ZFAT: variants seen among roughly 807,000 people sequenced by gnomAD.
The protein encoded by ZFAT is zinc finger and AT-hook domain containing.
Under a neutral mutation model 117.7 loss-of-function variants are expected in ZFAT, and 64 were observed. The observed-to-expected ratio is 0.54, with a 90% CI of 0.44 to 0.67. The LOEUF is 0.67. Among genes scored for constraint, ZFAT ranks in the 30% least tolerant of loss-of-function variants. ZFAT has a pLI of 0.00. For missense variants in ZFAT, 1,433 were observed against 1,584.5 expected, an observed-to-expected ratio of 0.90 and a Z score of 1.62; for synonymous variants, 679 against 615.0, an observed-to-expected ratio of 1.10 and a Z score of -1.54.
intron 2 of ZFAT, among the ~76,000 whole-genome samples, chr8:134,645,484 T>TAC (rs144089495): frequency 0.021 from 3,202 of 152,108 alleles, 111 homozygotes; most frequent in African/African-American, 0.071. Context: ...TAGTTTAGTA[T>TAC]ACACACACAC....
chr8:134,680,665 TG>T (rs1833031282), intron 1 of ZFAT, among the ~76,000 whole-genome samples: 1 of 152,146 alleles, frequency 6.6e-6, no homozygotes, highest in South Asian at 2.1e-4. Context: ...ACCAATTTCT[TG>T]GTTTAATATT....
intron 3 of ZFAT, among the ~76,000 whole-genome samples, chr8:134,617,620 C>T (rs933470643): frequency 5.9e-5 from 9 of 152,230 alleles, no homozygotes; most frequent in Middle Eastern, 3.4e-3. Flanking sequence ...GCAGTTATCA[C>T]GCGACCATCT....
At chr8:134,533,026 C>A (rs539980693) in intron 11 of ZFAT, 54 bp from the exon 12 acceptor site, 9 of 1,554,178 alleles carry the variant, frequency 5.8e-6, no homozygotes, top group Non-Finnish European at 7.8e-6. Flanking sequence ...TGTCTGCCTT[C>A]GCTGCTGCTC....
chr8:134,707,716 C>T (rs575407627), intron 1 of ZFAT, among the ~76,000 whole-genome samples: 1 of 152,348 alleles, frequency 6.6e-6, no homozygotes, highest in African/African-American at 2.4e-5. Context: ...AGACAACCCG[C>T]AGCTTCCACT....
At chr8:134,643,659 A>G (rs955293296) in intron 2 of ZFAT, among the ~76,000 whole-genome samples, 9 of 152,314 alleles carry the variant, frequency 5.9e-5, no homozygotes, top group Non-Finnish European at 1.0e-4. Context: ...CGGTGATTGA[A>G]GACTTACCAG....
chr8:134,540,603 C>A (rs1822181529), intron 11 of ZFAT, among the ~76,000 whole-genome samples: 1 of 152,196 alleles, frequency 6.6e-6, no homozygotes, highest in African/African-American at 2.4e-5. Flanking sequence ...CCACCTACAC[C>A]ACCATGACCC....
intron 1 of ZFAT, among the ~76,000 whole-genome samples, chr8:134,663,998 G>A (rs1380117530): frequency 1.3e-5 from 2 of 152,168 alleles, no homozygotes; most frequent in Non-Finnish European, 2.9e-5. Flanking sequence ...AGAGGAAAGG[G>A]GAAAGCCTTG....
At chr8:134,739,714 G>C in the ZFAT span, among the ~76,000 whole-genome samples, 1 of 152,326 alleles carries the variant, frequency 6.6e-6, no homozygotes, top group South Asian at 2.1e-4. Flanking sequence ...TAATTACAAA[G>C]AAATGTGATG....
At chr8:134,623,304 G>A (rs1479647772) in intron 3 of ZFAT, among the ~76,000 whole-genome samples, 1 of 152,100 alleles carries the variant, frequency 6.6e-6, no homozygotes, top group Admixed American at 6.5e-5. Flanking sequence ...CTCCATCCCT[G>A]GACACTCCCC....
chr8:134,612,210 A>G (rs1828387588), intron 3 of ZFAT, among the ~76,000 whole-genome samples: 1 of 152,250 alleles, frequency 6.6e-6, no homozygotes, highest in African/African-American at 2.4e-5. Flanking sequence ...TTTCTCAGCC[A>G]TGAGTGTGGA....
chr8:134,652,253 C>T (rs1003856321), intron 2 of ZFAT, among the ~76,000 whole-genome samples: 2 of 152,130 alleles, frequency 1.3e-5, no homozygotes, highest in Non-Finnish European at 2.9e-5. Context: ...GGCAAATGAG[C>T]GAGACTCTGT....
chr8:134,492,137 C>T (rs1001559332), intron 15 of ZFAT, among the ~76,000 whole-genome samples: 7 of 151,132 alleles, frequency 4.6e-5, no homozygotes, highest in African/African-American at 1.5e-4. Flanking sequence ...CTGGGTCCAT[C>T]GGGCTGAGAC....
chr8:134,669,574 G>A (rs36018550), intron 1 of ZFAT, among the ~76,000 whole-genome samples: 2,040 of 152,208 alleles, frequency 0.013, 53 homozygotes, highest in African/African-American at 0.045. Context: ...TCACCACTAG[G>A]CCTGCCCTAC....
the ZFAT span, among the ~76,000 whole-genome samples, chr8:134,751,345 G>A: frequency 6.6e-6 from 1 of 152,154 alleles, no homozygotes; most frequent in Admixed American, 6.5e-5. Flanking sequence ...ATAACATCAA[G>A]GACGAAGGTC....
intron 1 of ZFAT, among the ~76,000 whole-genome samples, chr8:134,672,658 G>A (rs1016225412): frequency 6.6e-6 from 1 of 152,140 alleles, no homozygotes; most frequent in East Asian, 1.9e-4. Context: ...GTCTGTAGAG[G>A]AAAATTATGT....
intron 7 of ZFAT, among the ~76,000 whole-genome samples, chr8:134,593,452 A>G (rs1242618702): frequency 1.3e-5 from 2 of 152,124 alleles, no homozygotes; most frequent in Non-Finnish European, 2.9e-5. Context: ...GCAAACTTAA[A>G]AAGAGTGGTG....
intron 4 of ZFAT, among the ~76,000 whole-genome samples, 157 bp from the exon 5 acceptor site, chr8:134,609,036 G>A (rs1828120759): frequency 2.0e-5 from 3 of 152,132 alleles, no homozygotes; most frequent in Admixed American, 2.0e-4. Flanking sequence ...ACATTTTTTG[G>A]GTGAGTGTGT....
At chr8:134,722,507 AGC>A in the ZFAT span, among the ~76,000 whole-genome samples, 1 of 152,238 alleles carries the variant, frequency 6.6e-6, no homozygotes, top group Non-Finnish European at 1.5e-5. Flanking sequence ...TTGCCAAGAC[AGC>A]TGCTTGGATC....
chr8:134,538,152 G>C (rs538614136), intron 11 of ZFAT, among the ~76,000 whole-genome samples: 1 of 152,330 alleles, frequency 6.6e-6, no homozygotes. Context: ...CAGCTCCCTG[G>C]AACACAGGAG....
Sources: gnomAD v4.1 joint callset for allele counts (sites outside exome capture counted in the v4.1 genomes callset) on GRCh38, gnomAD v4.1.1 for gene constraint, MANE v1.5 for transcripts, NCBI Gene and HGNC (gene_info 2026-07-23, HGNC 2026-07-21) for gene names.